Variants in ERC1 observed in about 807,000 individuals in gnomAD.
ERC1 encodes the protein ELKS/RAB6-interacting/CAST family member 1.
A neutral mutation model predicts 132.0 loss-of-function variants in ERC1; 56 were observed. The observed-to-expected ratio is 0.42, with a 90% CI of 0.34 to 0.53. The LOEUF (loss-of-function observed/expected upper bound fraction) is 0.53. Among genes scored for constraint, ERC1 ranks in the 20% least tolerant of loss-of-function variants. The pLI, the probability that ERC1 is intolerant of heterozygous loss-of-function variation, is 0.03. For synonymous variants in ERC1, 478 were observed against 476.1 expected, an observed-to-expected ratio of 1.00 and a Z score of -0.05; for missense variants, 1,202 against 1,349.9, an observed-to-expected ratio of 0.89 and a Z score of 1.72.
intron 16 of ERC1, among the ~76,000 whole-genome samples, chr12:1,373,470 T>C (rs998053555): frequency 6.6e-6 from 1 of 152,322 alleles, no homozygotes; most frequent in Admixed American, 6.5e-5. Flanking sequence ...AAAGAACATA[T>C]GTTTTCATTA....
chr12:1,126,247 T>C (rs910741608), intron 7 of ERC1, among the ~76,000 whole-genome samples: 2 of 151,964 alleles, frequency 1.3e-5, no homozygotes, highest in East Asian at 1.9e-4. Context: ...GACATGAAAA[T>C]ACAGAGTCAT....
At chr12:1,434,945 CGAGA>C (rs563866291) in intron 17 of ERC1, among the ~76,000 whole-genome samples, 4 of 152,066 alleles carry the variant, frequency 2.6e-5, no homozygotes, top group Non-Finnish European at 5.9e-5. Flanking sequence ...CTTAACGTTT[CGAGA>C]GAGAGAGAAT....
At chr12:1,316,606 A>T (rs111663148) in intron 15 of ERC1, among the ~76,000 whole-genome samples, 2 of 152,194 alleles carry the variant, frequency 1.3e-5, no homozygotes, top group Non-Finnish European at 2.9e-5. Context: ...AGGATTTGGA[A>T]AAATAGGAAC....
intron 1 of ERC1, among the ~76,000 whole-genome samples, chr12:1,013,516 A>G (rs986880543): frequency 2.0e-5 from 3 of 152,070 alleles, no homozygotes; most frequent in African/African-American, 7.2e-5. Context: ...CTCCAAGCAG[A>G]GGTGGCCTTT....
intron 2 of ERC1, among the ~76,000 whole-genome samples, chr12:1,078,201 A>G (rs1036065419): frequency 6.6e-6 from 1 of 152,198 alleles, no homozygotes; most frequent in African/African-American, 2.4e-5. Flanking sequence ...TCATACCTAG[A>G]AATCAGCTTC....
chr12:1,137,585 C>A (rs1040056237), intron 7 of ERC1, among the ~76,000 whole-genome samples: 20 of 151,860 alleles, frequency 1.3e-4, no homozygotes, highest in African/African-American at 4.4e-4. Context: ...AGCGGTGGCT[C>A]ACGCCTGTAA....
chr12:1,429,913 A>G (rs1367794721), intron 17 of ERC1, among the ~76,000 whole-genome samples: 2 of 152,226 alleles, frequency 1.3e-5, no homozygotes, highest in African/African-American at 4.8e-5. Flanking sequence ...ACATTACCCC[A>G]AAGTGTGGCA....
chr12:1,217,675 T>C (rs1421694441), intron 12 of ERC1, among the ~76,000 whole-genome samples: 1 of 152,220 alleles, frequency 6.6e-6, no homozygotes, highest in Non-Finnish European at 1.5e-5. Context: ...ACTCCAATTA[T>C]TGCATCTAAT....
In ERC1 at chr12:1,492,976, C is replaced by G. The variant is rs1282530265; in HGVS notation, c.*2746C>G. The G allele has an allele frequency of 8.8e-6, 2 of 226,678 alleles. No individual in the cohort carries two copies. Among genetic ancestry groups the G allele is most frequent in the Non-Finnish European group, 1.8e-5 (2 of 114,044 alleles). The allele number at this position is 226,678 out of a possible 1,614,324, so 14.0% of individuals were successfully genotyped here. ...AGTGCAGGTTGCCCTTAATTTTCCC[C>G]AAACCCCTCCATCGGCAAGTCTAGT... On this transcript the variant is annotated 3_prime_UTR_variant, in exon 19 of 19. Transcript: ENST00000360905.
chr12:1,046,914 AC>A (rs1319786117), intron 2 of ERC1, among the ~76,000 whole-genome samples: 1 of 152,136 alleles, frequency 6.6e-6, no homozygotes, highest in East Asian at 1.9e-4. Flanking sequence ...GATGTGACGC[AC>A]CCTTCACATT....
At chr12:1,452,479 C>A (rs1036181423) in intron 18 of ERC1, among the ~76,000 whole-genome samples, 5 of 152,062 alleles carry the variant, frequency 3.3e-5, no homozygotes, top group Non-Finnish European at 7.4e-5. Flanking sequence ...GTTTTGTTGT[C>A]TTTCATTAAT....
intron 15 of ERC1, among the ~76,000 whole-genome samples, chr12:1,316,897 T>G (rs1248853201): frequency 6.6e-6 from 1 of 152,206 alleles, no homozygotes; most frequent in Non-Finnish European, 1.5e-5. Flanking sequence ...TGGCGGCTCA[T>G]GCCTGTAATC....
intron 14 of ERC1, among the ~76,000 whole-genome samples, chr12:1,277,626 T>TA (rs2078364193): frequency 6.6e-6 from 1 of 152,168 alleles, no homozygotes; most frequent in Admixed American, 6.5e-5. Context: ...GTGTTACAGA[T>TA]ACAAACGTTA....
chr12:993,714 C>T (rs1386291496), intron 1 of ERC1, among the ~76,000 whole-genome samples: 1 of 152,012 alleles, frequency 6.6e-6, no homozygotes, highest in Non-Finnish European at 1.5e-5. Context: ...CTAGCCTGGC[C>T]AACATGGTGA....
chr12:1,056,856 A>G (rs1659607153), intron 2 of ERC1, among the ~76,000 whole-genome samples: 1 of 152,110 alleles, frequency 6.6e-6, no homozygotes, highest in Non-Finnish European at 1.5e-5. Context: ...TTAGAAAAGA[A>G]ATTCTTTTGG....
intron 4 of ERC1, among the ~76,000 whole-genome samples, chr12:1,107,050 T>C (rs1945339696): frequency 6.6e-6 from 1 of 152,182 alleles, no homozygotes; most frequent in Non-Finnish European, 1.5e-5. Flanking sequence ...AGCCCAGTAA[T>C]CTTGAAGGTG....
intron 13 of ERC1, among the ~76,000 whole-genome samples, chr12:1,260,029 C>T (rs2077047852): frequency 6.6e-6 from 1 of 152,206 alleles, no homozygotes; most frequent in Non-Finnish European, 1.5e-5. Context: ...CCCTTCACCA[C>T]TCACCTATGG....
At chr12:1,253,692 C>T (rs1284457535) in intron 13 of ERC1, among the ~76,000 whole-genome samples, 1 of 151,928 alleles carries the variant, frequency 6.6e-6, no homozygotes, top group Admixed American at 6.6e-5. Flanking sequence ...AAAAAAAAGG[C>T]AGTGGAGGGT....
In ERC1 at chr12:1,462,467, A is replaced by G. The variant is rs187554592; in HGVS notation, c.3213+17717A>G. Among the ~76,000 whole-genome samples, 7 of 152,384 alleles carry G rather than the reference A, an allele frequency of 4.6e-5. No individual in the cohort carries two copies. In the East Asian group the frequency reaches 1.2e-3, roughly 25 times the overall value. The stretch of plus-strand genomic sequence containing the variant: ...GGAGAATAGGTATTTTTAAATGATC[A>G]TATATCATTAATGGAATACTACTCA... On this transcript the variant is annotated intron_variant, in intron 18 of 18. Coordinates refer to ENST00000360905, the MANE Select transcript of ERC1 (RefSeq NM_178040.4).
Sources: gnomAD v4.1 joint callset for allele counts (sites outside exome capture counted in the v4.1 genomes callset) on GRCh38, gnomAD v4.1.1 for gene constraint, MANE v1.5 for transcripts, NCBI Gene and HGNC (gene_info 2026-07-23, HGNC 2026-07-21) for gene names.